SLIT2: variants seen among roughly 807,000 people sequenced by gnomAD.
The protein encoded by SLIT2 is slit homolog 2 protein.
A neutral mutation model predicts 185.7 loss-of-function variants in SLIT2; 41 were observed. The observed-to-expected ratio is 0.22, with a 90% CI of 0.17 to 0.29. The LOEUF (loss-of-function observed/expected upper bound fraction) is 0.29, where lower values mean the gene tolerates loss of function less well. Ranked by LOEUF, SLIT2 falls within the 10% of genes least tolerant of loss-of-function variation. The pLI is 1.00. For synonymous variants in SLIT2, 693 were observed against 680.2 expected, an observed-to-expected ratio of 1.02 and a Z score of -0.29; for missense variants, 1,571 against 1,909.0, an observed-to-expected ratio of 0.82 and a Z score of 3.30.
intron 4 of SLIT2, among the ~76,000 whole-genome samples, chr4:20,386,129 CATAAG>C (rs1724920698): frequency 6.6e-6 from 1 of 152,244 alleles, no homozygotes; most frequent in African/African-American, 2.4e-5. Context: ...GCATTTGACT[CATAAG>C]AGAATAATTT....
intron 7 of SLIT2, among the ~76,000 whole-genome samples, chr4:20,487,973 T>C (rs1327850138): frequency 2.0e-5 from 3 of 152,232 alleles, no homozygotes; most frequent in Admixed American, 2.0e-4. Context: ...TAGATGGTTC[T>C]GGGAATGGTG....
At chr4:20,412,585 C>T (rs1014247277) in intron 4 of SLIT2, among the ~76,000 whole-genome samples, 1 of 152,162 alleles carries the variant, frequency 6.6e-6, no homozygotes, top group East Asian at 1.9e-4. Flanking sequence ...ATGCAAGCAT[C>T]ATTTTATTTC....
chr4:20,422,045 T>C (rs1293105291), intron 4 of SLIT2, among the ~76,000 whole-genome samples: 1 of 152,122 alleles, frequency 6.6e-6, no homozygotes, highest in Admixed American at 6.6e-5. Flanking sequence ...GATTTCAGAG[T>C]TCATTTCTTG....
At chr4:20,506,724 TTTA>T (rs1430152913) in intron 9 of SLIT2, among the ~76,000 whole-genome samples, 1 of 152,118 alleles carries the variant, frequency 6.6e-6, no homozygotes, top group East Asian at 1.9e-4. Context: ...TACACATTAG[TTTA>T]TTGTTTCTCC....
Position 20,254,543 on chromosome 4 carries a change from G to A in SLIT2, c.179+549G>A, listed in dbSNP as rs1166479555. Among the ~76,000 whole-genome samples the A allele has an allele frequency of 1.3e-5, 2 of 152,114 alleles. No individual in the cohort carries two copies. The highest frequency in any genetic ancestry group is 2.4e-5 in the African/African-American group (1 of 41,424). On this transcript the variant is annotated intron_variant, in intron 1 of 36. Transcript: ENST00000504154. The surrounding 1 kb of genome is among the most constrained non-coding windows in gnomAD (Gnocchi z 5.1). ...GAGTGCCTGGGGGTGCTTCTCACAGGTCGCGGGGAGAAGGGTGCCCCAGGA... is the reference window on the plus strand; with the variant it reads ...GAGTGCCTGGGGGTGCTTCTCACAGATCGCGGGGAGAAGGGTGCCCCAGGA...
chr4:20,368,219 C>CAAAAA (rs71653879), intron 4 of SLIT2, among the ~76,000 whole-genome samples: 6 of 107,412 alleles, frequency 5.6e-5, no homozygotes, highest in South Asian at 3.2e-4. Flanking sequence ...CACAAAATAG[C>CAAAAA]AAAAAAAAAA....
chr4:20,347,031 G>T (rs1721470899), intron 4 of SLIT2, among the ~76,000 whole-genome samples: 2 of 152,128 alleles, frequency 1.3e-5, no homozygotes, highest in South Asian at 4.1e-4. Flanking sequence ...ACAATACTTT[G>T]CATCCTTCAT....
intron 4 of SLIT2, among the ~76,000 whole-genome samples, chr4:20,287,720 C>A (rs1476039434): frequency 1.3e-5 from 2 of 152,114 alleles, no homozygotes; most frequent in South Asian, 4.1e-4. Flanking sequence ...GTGAGTATAT[C>A]CCTATCTCTC....
intron 4 of SLIT2, among the ~76,000 whole-genome samples, chr4:20,312,093 G>C (rs1718161356): frequency 6.6e-6 from 1 of 152,146 alleles, no homozygotes; most frequent in African/African-American, 2.4e-5. Context: ...TGCAACCTGA[G>C]AAGTTTTTAT....
chr4:20,548,912 C>T, intron 23 of SLIT2, 145 bp from the exon 24 acceptor site: 1 of 608,554 alleles, frequency 1.6e-6, no homozygotes, highest in South Asian at 2.0e-5. Context: ...GTTAGGGAGA[C>T]AACACACAAA....
At chr4:20,372,004 T>A (rs755424381) in intron 4 of SLIT2, among the ~76,000 whole-genome samples, 1 of 152,122 alleles carries the variant, frequency 6.6e-6, no homozygotes, top group Non-Finnish European at 1.5e-5. Flanking sequence ...AAAGAGAGAT[T>A]CCATTTATCC....
intron 18 of SLIT2, among the ~76,000 whole-genome samples, chr4:20,537,200 A>G (rs1157099252): frequency 6.6e-6 from 1 of 152,218 alleles, no homozygotes; most frequent in African/African-American, 2.4e-5. Flanking sequence ...TGTGCTGTAC[A>G]TAAGTGTTTG....
At chr4:20,467,682 A>G in intron 4 of SLIT2, 70 bp from the exon 5 acceptor site, 1 of 972,662 alleles carries the variant, frequency 1.0e-6, no homozygotes, top group South Asian at 1.7e-5. Context: ...TAACTTCTCA[A>G]ACATTTGGAT....
At chr4:20,265,776 A>G (rs2068677563) in intron 3 of SLIT2, among the ~76,000 whole-genome samples, 1 of 151,924 alleles carries the variant, frequency 6.6e-6, no homozygotes, top group African/African-American at 2.4e-5. Flanking sequence ...TGCTTAGTTC[A>G]TAGATATTTA....
intron 4 of SLIT2, among the ~76,000 whole-genome samples, chr4:20,464,306 C>T (rs1032285454): frequency 5.3e-5 from 8 of 152,110 alleles, no homozygotes; most frequent in Admixed American, 1.3e-4. Context: ...AGGAAGAACC[C>T]GTGTCCTCCT....
intron 4 of SLIT2, among the ~76,000 whole-genome samples, chr4:20,358,491 G>A (rs1322643305): frequency 6.6e-6 from 1 of 152,004 alleles, no homozygotes; most frequent in Non-Finnish European, 1.5e-5. Context: ...AGAGTATCAC[G>A]ATAAGCTTAA....
chr4:20,535,638 G>A (rs112144857), intron 18 of SLIT2, among the ~76,000 whole-genome samples: 1,862 of 152,202 alleles, frequency 0.012, 36 homozygotes, highest in African/African-American at 0.043. Context: ...AGTTCAAGAT[G>A]GAAGTGCTGA....
chr4:20,537,428 G>T (rs1007142143), intron 18 of SLIT2, among the ~76,000 whole-genome samples: 5 of 152,062 alleles, frequency 3.3e-5, no homozygotes, highest in African/African-American at 9.7e-5. Context: ...ACATTTGGGG[G>T]TTAGGGCTTC....
Position 20,256,733 on chromosome 4 carries a change from C to G in SLIT2, c.241C>G (p.Leu81Val). The change falls in exon 2 of 37, where the codon CTA (leucine) becomes GTA (valine). Residue 81 changes from leucine (L) to valine (V), a missense_variant. This residue lies in a region of SLIT2 where 1,202 missense variants were observed against 1,416.4 expected (regional missense o/e 0.85). Transcript: ENST00000504154. ...GACAGATTTTGCTGGTCTTAGACAT[C>G]TAAGAGTTCTGTAAGTGCATCCTCT... is the stretch of plus-strand genomic sequence containing the variant. ...TKTDFAGLRH[L>V]RVLQLMENKI... 1 of 1,523,198 alleles carries G rather than the reference C, an allele frequency of 6.6e-7. No individual in the cohort carries two copies. Among genetic ancestry groups the G allele is most frequent in the Non-Finnish European group, 9.0e-7 (1 of 1,108,658 alleles). 94.4% of individuals were successfully genotyped at this position (1,523,198 alleles called of 1,614,324 possible).
Sources: gnomAD v4.1 joint callset for allele counts (sites outside exome capture counted in the v4.1 genomes callset) on GRCh38, gnomAD v4.1.1 for gene constraint, gnomAD v4.1.1 regional missense constraint, Gnocchi (gnomAD v3.1) non-coding constraint, MANE v1.5 for transcripts, NCBI Gene and HGNC (gene_info 2026-07-23, HGNC 2026-07-21) for gene names.